PIK3CG: variants seen among roughly 807,000 people sequenced by gnomAD.
The protein encoded by PIK3CG is phosphatidylinositol-4,5-bisphosphate 3-kinase catalytic subunit gamma, also known as phosphatidylinositol 4,5-bisphosphate 3-kinase catalytic subunit gamma isoform.
PIK3CG carries 55 observed loss-of-function variants against 102.3 expected under a neutral mutation model. The ratio of observed to expected loss-of-function variants is 0.54; its 90% CI spans 0.43 to 0.67. PIK3CG has a LOEUF of 0.67. PIK3CG is among the 30% of genes least tolerant of loss of function. The probability of loss-of-function intolerance (pLI) is 0.00; values close to 1 mark genes in which losing one functional copy is unlikely to be tolerated. For missense variants in PIK3CG, 1,258 were observed against 1,391.8 expected, an observed-to-expected ratio of 0.90 and a Z score of 1.53; for synonymous variants, 552 against 540.0, an observed-to-expected ratio of 1.02 and a Z score of -0.31.
rs1453454331 is a variant in PIK3CG, at chr7:106,883,894, G to T, written c.2761-261G>T. Among the ~76,000 whole-genome samples the T allele has an allele frequency of 6.6e-6, 1 of 152,194 alleles. No homozygotes were observed. Among genetic ancestry groups the T allele is most frequent in the African/African-American group, 2.4e-5 (1 of 41,450 alleles). The stretch of plus-strand genomic sequence containing the variant: ...GGCAAGTGATGCATGGAGAGGAAGT[G>T]AACCCTTTGATTAAATTACTGTTGC... On this transcript the variant is annotated intron_variant, in intron 8 of 10. Transcript: ENST00000496166. The surrounding 1 kb of genome is among the most constrained non-coding windows in gnomAD (Gnocchi z 5.8).
chr7:106,881,283 C>A (rs1790924776), intron 6 of PIK3CG, among the ~76,000 whole-genome samples: 1 of 152,120 alleles, frequency 6.6e-6, no homozygotes. Flanking sequence ...CAGCTAAGGG[C>A]AAGTTATTTA....
rs2116427224 is a variant in PIK3CG, at chr7:106,867,977, A to C, written c.416A>C (p.Gln139Pro). The part of the protein sequence containing the change: ...HRSPGQIHLV[Q>P]RHPPSEESQA... ...AGCCCGGGCCAGATCCACCTGGTGCAGCGGCACCCGCCCTCCGAGGAGTCC... is the reference window on the plus strand; with the variant it reads ...AGCCCGGGCCAGATCCACCTGGTGCCGCGGCACCCGCCCTCCGAGGAGTCC... The change falls in exon 2 of 11, where the codon CAG becomes CCG. Residue 139 changes from glutamine to proline, a missense_variant. Physicochemically the swap from Gln to Pro is moderately conservative, Grantham distance 76. Coordinates refer to ENST00000496166, the MANE Select transcript of PIK3CG (RefSeq NM_001282426.2). The surrounding 1 kb of genome is among the most constrained non-coding windows in gnomAD (Gnocchi z 5.1). 6.2e-7 allele frequency: 1 copy of C among 1,612,312 alleles called. No individual in the cohort carries two copies. Among genetic ancestry groups the C allele is most frequent in the South Asian group, 1.1e-5 (1 of 91,062 alleles).
chr7:106,875,222 T>C (rs1790684301), intron 5 of PIK3CG, among the ~76,000 whole-genome samples: 1 of 151,928 alleles, frequency 6.6e-6, no homozygotes, highest in Admixed American at 6.6e-5. Context: ...GGCATGGTGG[T>C]GCATTCCTGT....
At position 106,905,374 on chromosome 7, in the gene PIK3CG, A is replaced by G. The variant is rs2116620131; in HGVS notation, c.3296A>G (p.Lys1099Arg). The change falls in exon 11 of 11, where the codon AAA becomes AGA. Residue 1099 changes from lysine to arginine, a missense_variant. Physicochemically the swap from Lys to Arg is conservative, Grantham distance 26 (BLOSUM62 2). Transcript: ENST00000496166. The surrounding 1 kb of genome is among the most constrained non-coding windows in gnomAD (Gnocchi z 5.6). ...HLVLGIKQGEKHSA is the reference protein window; with the variant it reads ...HLVLGIKQGERHSA ...GTTCTTGGCATCAAACAAGGAGAGA[A>G]ACATTCAGCCTAATACTTTAGGCTA... 1 of 1,613,812 alleles carries G rather than the reference A, an allele frequency of 6.2e-7. No homozygotes were observed. The highest frequency in any genetic ancestry group is 1.1e-5 in the South Asian group (1 of 91,040).
chr7:106,891,013 T>C lies in PIK3CG; in HGVS notation c.3030+4721T>C, dbSNP rs1196422154. ...GTCCCCTGCCAGGTCCTTCATTGCATGTATCACAAAATACATTTATTTGTA... is the reference window on the plus strand; with the variant it reads ...GTCCCCTGCCAGGTCCTTCATTGCACGTATCACAAAATACATTTATTTGTA... On this transcript the variant is annotated intron_variant, in intron 10 of 10. Coordinates refer to ENST00000496166, the MANE Select transcript of PIK3CG (RefSeq NM_001282426.2). This position sits in a 1 kb window ranked among gnomAD's most constrained non-coding sequence, Gnocchi z 4.4. Among the ~76,000 whole-genome samples the C allele has an allele frequency of 6.6e-6, 1 of 152,280 alleles. No homozygotes were observed. The highest frequency in any genetic ancestry group is 1.5e-5 in the Non-Finnish European group (1 of 68,048).
At position 106,894,058 on chromosome 7, in the gene PIK3CG, A is replaced by G. The variant is rs1039457657; in HGVS notation, c.3030+7766A>G. ...GATGCAGTCCATGGTTGACCAAAAC[A>G]TTGTTATGCAGTACATGACTGTATA... On this transcript the variant is annotated intron_variant, in intron 10 of 10. Transcript: ENST00000496166. This position sits in a 1 kb window ranked among gnomAD's most constrained non-coding sequence, Gnocchi z 4.4. Among the ~76,000 whole-genome samples the G allele has an allele frequency of 6.6e-6, 1 of 152,198 alleles. No individual in the cohort carries two copies. The highest frequency in any genetic ancestry group is 2.4e-5 in the African/African-American group (1 of 41,448).
At chr7:106,881,205 G>C (rs1345303577) in intron 6 of PIK3CG, among the ~76,000 whole-genome samples, 2 of 152,116 alleles carry the variant, frequency 1.3e-5, no homozygotes, top group African/African-American at 4.8e-5. Flanking sequence ...CGCCAAAATT[G>C]CTGGGATTCT....
intron 10 of PIK3CG, among the ~76,000 whole-genome samples, chr7:106,901,627 T>C (rs983282077): frequency 3.3e-5 from 5 of 152,202 alleles, no homozygotes; most frequent in African/African-American, 9.6e-5. Flanking sequence ...GGAGGACATA[T>C]GACAATTTGG....
rs182049195 is a variant in PIK3CG at position 106,893,887 on chromosome 7, C to T, written c.3030+7595C>T. 6.6e-6 allele frequency among the ~76,000 whole-genome samples: 1 copy of T among 152,288 alleles called. No individual in the cohort carries two copies. Among genetic ancestry groups the T allele is most frequent in the East Asian group, 1.9e-4 (1 of 5,184 alleles). ...GCTATATGATATAGCCTATTGCTCC[C>T]AGGCTCCAAACCTGTACAGCATGTT... is the stretch of plus-strand genomic sequence containing the variant. On this transcript the variant is annotated intron_variant, in intron 10 of 10. Transcript: ENST00000496166. This position sits in a 1 kb window ranked among gnomAD's most constrained non-coding sequence, Gnocchi z 4.4.
chr7:106,904,963 C>A, intron 10 of PIK3CG, 146 bp from the exon 11 acceptor site: 1 of 694,648 alleles, frequency 1.4e-6, no homozygotes, highest in Non-Finnish European at 2.5e-6. Flanking sequence ...AGTTTCTCAT[C>A]AAGTTTTTCA....
Position 106,867,721 on chromosome 7 carries a change from C to G in PIK3CG, c.160C>G (p.Pro54Ala), listed in dbSNP as rs750966470. 124 of 1,613,004 alleles carry G rather than the reference C, an allele frequency of 7.7e-5. No individual in the cohort carries two copies. Among genetic ancestry groups the G allele is most frequent in the Non-Finnish European group, 1.0e-4 (119 of 1,179,886 alleles). ...LPTSQRKCKS[P>A]ETALLHVAGH... ...CACCAGCCAGCGCAAATGCAAGAGC[C>G]CCGAAACGGCGCTGCTGCACGTGGC... The change falls in exon 2 of 11, where the codon CCC (proline) becomes GCC (alanine). Residue 54 changes from proline (P) to alanine (A), a missense_variant. Physicochemically the swap from Pro to Ala is conservative, Grantham distance 27 (BLOSUM62 -1). Around this residue, in one of 2 missense-constraint regions of PIK3CG, gnomAD observed 832 missense variants for 787.5 expected, o/e 1.06. Coordinates refer to ENST00000496166, the MANE Select transcript of PIK3CG (RefSeq NM_001282426.2). This position sits in a 1 kb window ranked among gnomAD's most constrained non-coding sequence, Gnocchi z 5.1.
chr7:106,868,064 T>C lies in PIK3CG; in HGVS notation c.503T>C (p.Val168Ala), dbSNP rs778434743. Residue 168 changes from valine (V) to alanine (A), a missense_variant, in exon 2 of 11, where the codon GTG (valine) becomes GCG (alanine). Around this residue, in one of 2 missense-constraint regions of PIK3CG, gnomAD observed 832 missense variants for 787.5 expected, o/e 1.06. Coordinates refer to ENST00000496166, the MANE Select transcript of PIK3CG (RefSeq NM_001282426.2). The surrounding 1 kb of genome is among the most constrained non-coding windows in gnomAD (Gnocchi z 6.2). ...IGYDVTDVSNVHDDELEFTRR... is the reference protein window; with the variant it reads ...IGYDVTDVSNAHDDELEFTRR... ...TATGACGTCACTGACGTCAGCAACG[T>C]GCACGACGATGAGCTGGAGTTCACG... is the stretch of plus-strand genomic sequence containing the variant. 3 of 1,612,928 alleles carry C rather than the reference T, an allele frequency of 1.9e-6. No homozygotes were observed. Among genetic ancestry groups the C allele is most frequent in the Non-Finnish European group, 2.5e-6 (3 of 1,179,318 alleles).
At chr7:106,886,492 A>G (rs1791097938) in intron 10 of PIK3CG, among the ~76,000 whole-genome samples, 200 bp downstream of exon 10, 1 of 152,044 alleles carries the variant, frequency 6.6e-6, no homozygotes, top group East Asian at 1.9e-4. Flanking sequence ...CTTCTCAGTA[A>G]TCCTCCCACC....
intron 7 of PIK3CG, chr7:106,882,800 C>G (rs1790979100): frequency 2.4e-6 from 1 of 411,188 alleles, no homozygotes; most frequent in Admixed American, 4.0e-5. Context: ...CAGCCCTTTC[C>G]TCTTGTCATT....
At chr7:106,888,903 G>A (rs1289320474) in intron 10 of PIK3CG, among the ~76,000 whole-genome samples, 1 of 152,116 alleles carries the variant, frequency 6.6e-6, no homozygotes, top group Non-Finnish European at 1.5e-5. Flanking sequence ...TCTGTAAAGT[G>A]GGAATAATAA....
Position 106,882,224 on chromosome 7 carries a change from G to A in PIK3CG, c.2629+17G>A. On this transcript the variant is annotated intron_variant, in intron 7 of 10. Transcript: ENST00000496166. ...ACAAAATAGGTATGTAGTTACCTCA[G>A]GAGATGAATAGACCTCTCAGCTCGT... 1 of 1,310,806 alleles carries A rather than the reference G, an allele frequency of 7.6e-7. No homozygotes were observed. Among genetic ancestry groups the A allele is most frequent in the Non-Finnish European group, 1.1e-6 (1 of 936,664 alleles). 81.2% of individuals were successfully genotyped at this position (1,310,806 alleles called of 1,614,324 possible). A position where few individuals can be genotyped will look rare whatever the true frequency, so the allele number is the denominator to read the frequency against.
At position 106,891,177 on chromosome 7, in the gene PIK3CG, G is replaced by A. The variant is rs1226927483; in HGVS notation, c.3030+4885G>A. On this transcript the variant is annotated intron_variant, in intron 10 of 10. Transcript: ENST00000496166. The surrounding 1 kb of genome is among the most constrained non-coding windows in gnomAD (Gnocchi z 4.4). ...TGCTGAGTGGAGTAGTGGAGGGACA[G>A]CACCTTGTAGGGGAGGAGCTGGATC... Among the ~76,000 whole-genome samples, 1 of 152,216 alleles carries A rather than the reference G, an allele frequency of 6.6e-6. No individual in the cohort carries two copies. Among genetic ancestry groups the A allele is most frequent in the African/African-American group, 2.4e-5 (1 of 41,450 alleles).
At position 106,906,208 on chromosome 7, in the gene PIK3CG, T is replaced by C. The variant is rs1319432659; in HGVS notation, c.*821T>C. On this transcript the variant is annotated 3_prime_UTR_variant, in exon 11 of 11. Coordinates refer to ENST00000496166, the MANE Select transcript of PIK3CG (RefSeq NM_001282426.2). ...TTTCCCTGCCTCCCTTTTTCATCAA[T>C]TGCGATGCTCCCACAACTCTTTACA... 1 of 229,200 alleles carries C rather than the reference T, an allele frequency of 4.4e-6. No individual in the cohort carries two copies. The highest frequency in any genetic ancestry group is 6.2e-5 in the East Asian group (1 of 16,006). The allele number at this position is 229,200 out of a possible 1,614,324, so 14.2% of individuals were successfully genotyped here.
chr7:106,865,989 G>A (rs1456763035), intron 1 of PIK3CG, among the ~76,000 whole-genome samples: 2 of 152,180 alleles, frequency 1.3e-5, no homozygotes, highest in African/African-American at 4.8e-5. Flanking sequence ...AGCCACAAGA[G>A]ACAGTTCTTT....
Sources: allele counts gnomAD v4.1 joint callset (sites outside exome capture counted in the v4.1 genomes callset), GRCh38; gene constraint gnomAD v4.1.1; regional missense constraint gnomAD v4.1.1; non-coding constraint Gnocchi (gnomAD v3.1); transcripts MANE v1.5; gene names NCBI Gene and HGNC (gene_info 2026-07-23, HGNC 2026-07-21).